The following ADAM17 variants were observed in gnomAD, a reference collection of about 807,000 sequenced individuals.
ADAM17 encodes disintegrin and metalloproteinase domain-containing protein 17.
In ADAM17, 39 loss-of-function variants were observed where a neutral mutation model predicts 96.7. That is an observed-to-expected ratio of 0.40 (90% CI 0.31 to 0.53). ADAM17 has a LOEUF of 0.53. ADAM17 is among the 20% of genes least tolerant of loss of function. The probability of loss-of-function intolerance (pLI) is 0.44; values close to 1 mark genes in which losing one functional copy is unlikely to be tolerated. For missense variants in ADAM17, 777 were observed against 1,013.2 expected (o/e 0.77, Z 3.17); for synonymous variants, 344 against 359.2 (o/e 0.96, Z 0.48).
intron 8 of ADAM17, among the ~76,000 whole-genome samples, chr2:9,520,185 T>C (rs964103840): frequency 6.6e-6 from 1 of 152,232 alleles, no homozygotes; most frequent in Non-Finnish European, 1.5e-5. Flanking sequence ...ATAAGTGTTG[T>C]TCTAAGCTGC....
intron 1 of ADAM17, among the ~76,000 whole-genome samples, chr2:9,553,206 G>T (rs1476889726): frequency 6.6e-6 from 1 of 152,060 alleles, no homozygotes; most frequent in Non-Finnish European, 1.5e-5. Context: ...GATTCATTTG[G>T]TGATAACACT....
At chr2:9,493,719 CAGTA>C (rs1281962200) in intron 16 of ADAM17, 24 bp downstream of exon 16, 5 of 1,591,164 alleles carry the variant, frequency 3.1e-6, no homozygotes, top group Middle Eastern at 1.7e-4. Context: ...ACTCAGCTCT[CAGTA>C]AGTAATCTGG....
intron 8 of ADAM17, among the ~76,000 whole-genome samples, chr2:9,520,904 C>A (rs551883782): frequency 7.5e-6 from 1 of 132,754 alleles, no homozygotes; most frequent in South Asian, 2.4e-4. Flanking sequence ...ATGGAGGTTG[C>A]GGTGAGCCAA....
At chr2:9,496,285 C>A (rs1662593623) in intron 14 of ADAM17, 1 of 152,044 alleles carries the variant, frequency 6.6e-6, no homozygotes, top group Non-Finnish European at 1.5e-5. Flanking sequence ...TACGCTACCA[C>A]ACCCGGCTAA....
At chr2:9,540,579 T>G (rs372042144) in intron 2 of ADAM17, among the ~76,000 whole-genome samples, 16 of 152,118 alleles carry the variant, frequency 1.1e-4, no homozygotes, top group East Asian at 7.7e-4. Context: ...TAAAAAGAAG[T>G]CATTAAAAAA....
At chr2:9,544,190 G>A (rs951415399) in intron 1 of ADAM17, among the ~76,000 whole-genome samples, 11 of 152,016 alleles carry the variant, frequency 7.2e-5, no homozygotes, top group Non-Finnish European at 1.3e-4. Context: ...ACCTTCCAGA[G>A]GAATATGGAA....
chr2:9,494,918 AAGG>A (rs1662453835), intron 14 of ADAM17, 151 bp from the exon 15 acceptor site: 2 of 898,264 alleles, frequency 2.2e-6, no homozygotes, highest in Admixed American at 6.2e-5. Flanking sequence ...AGCCCCCACC[AAGG>A]AGTAGTTTCT....
intron 6 of ADAM17, among the ~76,000 whole-genome samples, chr2:9,524,917 T>C (rs12692384): frequency 0.64 from 96,705 of 152,022 alleles, 32,233 homozygotes; most frequent in Middle Eastern, 0.76. Flanking sequence ...AGGTTTGTTC[T>C]AGCAACTGTG....
In ADAM17 at chr2:9,497,262, C is replaced by T. The variant is rs1558496806; in HGVS notation, c.1649-14G>A. 3.7e-6 allele frequency: 6 copies of T among 1,613,462 alleles called. No homozygotes were observed. Among genetic ancestry groups the T allele is most frequent in the African/African-American group, 1.3e-5 (1 of 74,904 alleles). ...CACTGCTATTACCTGGAAGCAAACA[C>T]CAGTCATAACAAAAAGAATGAGTCA... On this transcript the variant is annotated splice_polypyrimidine_tract_variant and intron_variant, in intron 13 of 18. Coordinates refer to ENST00000310823, the MANE Select transcript of ADAM17 (RefSeq NM_003183.6).
chr2:9,533,491 G>A (rs944837621), intron 4 of ADAM17, among the ~76,000 whole-genome samples: 7 of 152,180 alleles, frequency 4.6e-5, no homozygotes, highest in African/African-American at 1.7e-4. Context: ...AGTCTGCAGT[G>A]AGCTGAGATC....
chr2:9,530,071 T>C (rs767446043), intron 4 of ADAM17, among the ~76,000 whole-genome samples: 62 of 152,342 alleles, frequency 4.1e-4, no homozygotes, highest in Middle Eastern at 3.4e-3. Flanking sequence ...TTAAATATTA[T>C]ATGCATATAC....
chr2:9,516,083 C>T (rs568426940), intron 10 of ADAM17, among the ~76,000 whole-genome samples: 33 of 152,266 alleles, frequency 2.2e-4, no homozygotes, highest in African/African-American at 7.7e-4. Context: ...TGTTAATTTG[C>T]AATTTCCTAA....
chr2:9,528,862 G>A (rs1664630381), intron 4 of ADAM17, among the ~76,000 whole-genome samples: 1 of 152,104 alleles, frequency 6.6e-6, no homozygotes, highest in African/African-American at 2.4e-5. Flanking sequence ...AATGTAAAAT[G>A]GTAAAACCAC....
intron 4 of ADAM17, among the ~76,000 whole-genome samples, chr2:9,535,355 G>T (rs1466976092): frequency 2.0e-5 from 3 of 152,204 alleles, no homozygotes; most frequent in Admixed American, 6.5e-5. Flanking sequence ...AGCCACTGTG[G>T]TCTTGATTTC....
chr2:9,514,557 ATATATATAT>A (rs1663948309), intron 10 of ADAM17, among the ~76,000 whole-genome samples: 1 of 112,926 alleles, frequency 8.9e-6, no homozygotes, highest in African/African-American at 3.0e-5. Flanking sequence ...ATATATATAT[ATATATATAT>A]ATAAATAAAA....
Position 9,536,649 on chromosome 2 carries a change from A to T in ADAM17, c.361+49T>A, listed in dbSNP as rs748918822. The T allele has an allele frequency of 7.5e-6, 12 of 1,601,930 alleles. No homozygotes were observed. The East Asian group carries it at 2.7e-4, about 36-fold the overall frequency. On this transcript the variant is annotated intron_variant, in intron 3 of 18. Coordinates refer to ENST00000310823, the MANE Select transcript of ADAM17 (RefSeq NM_003183.6). ...GAATATGCAATCAAGTTAGATTTGG[A>T]GACCTAATACACCAGACACAGGGGC...
In ADAM17 at chr2:9,510,003, C is replaced by A; in HGVS notation, c.1320G>T (p.Val440=). 1 of 1,614,052 alleles carries A rather than the reference C, an allele frequency of 6.2e-7. No individual in the cohort carries two copies. The highest frequency in any genetic ancestry group is 8.5e-7 in the Non-Finnish European group (1 of 1,179,980). The change falls in exon 11 of 19, where the codon GTG becomes GTT. Residue 440 remains valine, a synonymous_variant. Transcript: ENST00000310823. ...CCTTATTGTTCTCGTGATCGCCACTCACAGCTATGGGATACATGACATATT... is the reference window on the plus strand; with the variant it reads ...CCTTATTGTTCTCGTGATCGCCACTAACAGCTATGGGATACATGACATATT... ...GGKYVMYPIA[V]SGDHENNKMF...
chr2:9,521,558 T>A (rs1558513813), intron 7 of ADAM17: 1 of 193,558 alleles, frequency 5.2e-6, no homozygotes, highest in African/African-American at 2.3e-5. Flanking sequence ...TAAATTTTCA[T>A]ATCCTCCATG....
At chr2:9,495,521 T>C (rs1029214678) in intron 14 of ADAM17, among the ~76,000 whole-genome samples, 7 of 152,166 alleles carry the variant, frequency 4.6e-5, no homozygotes, top group Non-Finnish European at 1.0e-4. Context: ...GAGAACAGCC[T>C]GGCCAACATG....
Sources: gnomAD v4.1 joint callset for allele counts (sites outside exome capture counted in the v4.1 genomes callset) on GRCh38, gnomAD v4.1.1 for gene constraint, MANE v1.5 for transcripts, NCBI Gene and HGNC (gene_info 2026-07-23, HGNC 2026-07-21) for gene names.